EXOC1L: variants seen among roughly 807,000 people sequenced by gnomAD.
EXOC1L encodes exocyst complex component 1 like.
A neutral mutation model predicts 4.9 loss-of-function variants in EXOC1L; 10 were observed. The observed-to-expected ratio is 2.02, with a 90% CI of 1.25 to 3.43. EXOC1L has a LOEUF of 3.43. Ranked by LOEUF, EXOC1L falls within the 30% of genes most tolerant of loss-of-function variation. The pLI, the probability that EXOC1L is intolerant of heterozygous loss-of-function variation, is 0.00. For missense variants in EXOC1L, 114 were observed against 59.4 expected (o/e 1.92, Z -3.02); for synonymous variants, 41 against 20.8 (o/e 1.97, Z -2.63).
chr4:55,824,694 T>C (rs1719837851), intron 1 of EXOC1L, among the ~76,000 whole-genome samples: 1 of 152,124 alleles, frequency 6.6e-6, no homozygotes, highest in South Asian at 2.1e-4. Flanking sequence ...ATTCTGACTC[T>C]CCAAATCAGG....
rs536012779 is a variant in EXOC1L at position 55,833,521 on chromosome 4, T to C, written c.252+2057T>C. Among the ~76,000 whole-genome samples, 58 of 152,064 alleles carry C rather than the reference T, an allele frequency of 3.8e-4. No individual in the cohort carries two copies. In the South Asian group the frequency reaches 0.011, roughly 30 times the overall value. ...CTTGTCAAATTTCTATAATACTGCA[T>C]TTAATTTGATCAGAAGTGCAGGTCA... On this transcript the variant is annotated intron_variant, in intron 2 of 2. Transcript: ENST00000636125.
At chr4:55,823,252 G>A (rs1310330783) in intron 1 of EXOC1L, among the ~76,000 whole-genome samples, 1 of 152,020 alleles carries the variant, frequency 6.6e-6, no homozygotes, top group Non-Finnish European at 1.5e-5. Flanking sequence ...CAATAAGAAT[G>A]TTAACAATAA....
intron 1 of EXOC1L, among the ~76,000 whole-genome samples, chr4:55,829,056 C>T (rs1719959302): frequency 6.6e-6 from 1 of 152,166 alleles, no homozygotes; most frequent in Admixed American, 6.5e-5. Flanking sequence ...CTCTACTTTC[C>T]TATTTGGGTT....
At chr4:55,826,134 T>C (rs950019030) in intron 1 of EXOC1L, among the ~76,000 whole-genome samples, 2 of 151,876 alleles carry the variant, frequency 1.3e-5, no homozygotes, top group Admixed American at 1.3e-4. Flanking sequence ...ATTACTCTTT[T>C]GATGAAAGTA....
At chr4:55,824,287 A>G (rs538893249) in intron 1 of EXOC1L, among the ~76,000 whole-genome samples, 1 of 151,904 alleles carries the variant, frequency 6.6e-6, no homozygotes, top group East Asian at 1.9e-4. Context: ...ACACACACAC[A>G]CACACACACA....
At chr4:55,824,079 C>T (rs2110280554) in intron 1 of EXOC1L, among the ~76,000 whole-genome samples, 1 of 151,872 alleles carries the variant, frequency 6.6e-6, no homozygotes, top group South Asian at 2.1e-4. Context: ...ATAAAATTCC[C>T]AAAACTTACT....
intron 1 of EXOC1L, among the ~76,000 whole-genome samples, chr4:55,822,017 T>C (rs570447094): frequency 1.3e-5 from 2 of 152,366 alleles, no homozygotes; most frequent in South Asian, 2.1e-4. Context: ...ATCGTAATTG[T>C]TGAGATGTGA....
intron 1 of EXOC1L, among the ~76,000 whole-genome samples, chr4:55,821,681 T>A (rs957994040): frequency 1.3e-5 from 2 of 152,210 alleles, no homozygotes; most frequent in South Asian, 4.1e-4. Context: ...ATTTAAATGT[T>A]TGGAAATAAT....
chr4:55,829,858 T>G (rs1719978065), intron 1 of EXOC1L, among the ~76,000 whole-genome samples: 5 of 152,196 alleles, frequency 3.3e-5, no homozygotes, highest in Admixed American at 3.3e-4. Context: ...TGGTTTCTGT[T>G]GCATTTCAAA....
intron 2 of EXOC1L, among the ~76,000 whole-genome samples, chr4:55,832,932 T>C (rs1210682336): frequency 6.6e-6 from 1 of 152,022 alleles, no homozygotes; most frequent in African/African-American, 2.4e-5. Flanking sequence ...CTGCCTTAAT[T>C]ATTCATCTAA....
chr4:55,830,593 A>G (rs143775824), intron 1 of EXOC1L, among the ~76,000 whole-genome samples: 1,905 of 152,112 alleles, frequency 0.013, 17 homozygotes, highest in Non-Finnish European at 0.017. Context: ...TGATGTGTGT[A>G]TATAAGACCA....
intron 1 of EXOC1L, among the ~76,000 whole-genome samples, chr4:55,825,167 T>G (rs954148615): frequency 2.0e-5 from 3 of 152,230 alleles, no homozygotes; most frequent in Non-Finnish European, 4.4e-5. Context: ...CCTTTTAATC[T>G]TCACAACCAG....
chr4:55,825,951 G>C (rs1003954972), intron 1 of EXOC1L, among the ~76,000 whole-genome samples: 10 of 151,788 alleles, frequency 6.6e-5, no homozygotes, highest in Non-Finnish European at 1.2e-4. Context: ...TGGGCATGGT[G>C]GTAGGCGCCT....
intron 1 of EXOC1L, among the ~76,000 whole-genome samples, chr4:55,822,728 C>T (rs542873132): frequency 6.6e-6 from 1 of 152,300 alleles, no homozygotes; most frequent in African/African-American, 2.4e-5. Flanking sequence ...TAAGTAGGCT[C>T]TTTGGCCTCA....
In EXOC1L at chr4:55,823,145, GAAT is replaced by G. The variant is rs568805500; in HGVS notation, c.121+2999_121+3001del. Among the ~76,000 whole-genome samples, 1,181 of 151,746 alleles carry G rather than the reference GAAT, an allele frequency of 7.8e-3. 8 individuals are homozygous for G. Among genetic ancestry groups the G allele is most frequent in the African/African-American group, 0.027 (1,109 of 41,390 alleles). ...ATCTGAAAATAAATGGCATTTGCTA[GAAT>G]TATAAAAATAATATGCATAAATTCT... is the stretch of plus-strand genomic sequence containing the variant. On this transcript the variant is annotated intron_variant, in intron 1 of 2. Transcript: ENST00000636125.
intron 1 of EXOC1L, among the ~76,000 whole-genome samples, chr4:55,826,452 C>A (rs1719888810): frequency 6.6e-6 from 1 of 151,962 alleles, no homozygotes; most frequent in Non-Finnish European, 1.5e-5. Flanking sequence ...TTATTAATGA[C>A]AAAGTTTATT....
chr4:55,830,626 C>G (rs974424675), intron 1 of EXOC1L, among the ~76,000 whole-genome samples: 1 of 152,074 alleles, frequency 6.6e-6, no homozygotes, highest in South Asian at 2.1e-4. Flanking sequence ...ACAAAAAAAG[C>G]ATTTCCCTCA....
At chr4:55,828,298 T>C (rs1197316653) in intron 1 of EXOC1L, among the ~76,000 whole-genome samples, 2 of 152,130 alleles carry the variant, frequency 1.3e-5, no homozygotes, top group Non-Finnish European at 2.9e-5. Flanking sequence ...GAAACTGCCC[T>C]CATGGAGGAA....
intron 2 of EXOC1L, among the ~76,000 whole-genome samples, chr4:55,835,640 A>T (rs1720140314): frequency 6.6e-6 from 1 of 151,854 alleles, no homozygotes; most frequent in Non-Finnish European, 1.5e-5. Flanking sequence ...TTTGTTGGCC[A>T]TTTGTATATC....
Sources: gnomAD v4.1 joint callset for allele counts (sites outside exome capture counted in the v4.1 genomes callset) on GRCh38, gnomAD v4.1.1 for gene constraint, MANE v1.5 for transcripts, NCBI Gene and HGNC (gene_info 2026-07-23, HGNC 2026-07-21) for gene names.